Variants in DNAJC28 observed in about 807,000 individuals in gnomAD.
DNAJC28 encodes dnaJ homolog subfamily C member 28.
In DNAJC28, 24 loss-of-function variants were observed where a neutral mutation model predicts 33.3. The observed-to-expected ratio is 0.72, with a 90% CI of 0.52 to 1.01. DNAJC28 has a LOEUF of 1.01. Among genes scored for constraint, DNAJC28 ranks in the 50% least tolerant of loss-of-function variants. DNAJC28 has a pLI of 0.00. For missense variants in DNAJC28, 442 were observed against 455.2 expected (o/e 0.97, Z 0.26); for synonymous variants, 120 against 147.2 (o/e 0.82, Z 1.34).
chr21:33,489,528 C>A, intron 1 of DNAJC28, 104 bp from the exon 2 acceptor site: 2 of 532,280 alleles, frequency 3.8e-6, no homozygotes, highest in Non-Finnish European at 6.1e-6. Flanking sequence ...ATAAGTACAA[C>A]AAGGGGCAGT....
At position 33,488,957 on chromosome 21, in the gene DNAJC28, G is replaced by T. The variant is rs1319923729; in HGVS notation, c.437C>A (p.Thr146Asn). 1.2e-6 allele frequency: 2 copies of T among 1,613,874 alleles called. No individual in the cohort carries two copies. The highest frequency in any genetic ancestry group is 1.7e-6 in the Non-Finnish European group (2 of 1,180,028). ...ATAATGCTTCTCTCGTTGAGTTGGAGTCCCAAAACCAATACCTTCAAAACT... is the reference window on the plus strand; with the variant it reads ...ATAATGCTTCTCTCGTTGAGTTGGATTCCCAAAACCAATACCTTCAAAACT... Reference protein sequence around the residue: ...YLSFEGIGFGTPTQREKHYRQ... With the variant: ...YLSFEGIGFGNPTQREKHYRQ... Residue 146 changes from threonine to asparagine, a missense_variant, in exon 2 of 2, where the codon ACT becomes AAT. Coordinates refer to ENST00000381947, the MANE Select transcript of DNAJC28 (RefSeq NM_001040192.3).
Position 33,488,455 on chromosome 21 carries a change from A to T in DNAJC28, c.939T>A (p.Asp313Glu), listed in dbSNP as rs772826369. The change falls in exon 2 of 2, where the codon GAT (aspartate) becomes GAA (glutamate). Residue 313 changes from aspartate (D) to glutamate (E), a missense_variant. Asp to Glu is a conservative substitution (Grantham distance 45). Transcript: ENST00000381947. The part of the protein sequence containing the change: ...NIRKLNKRIN[D>E]FNLIVPILTR... Reference sequence around the variant, plus strand: ...TCAGGATGGGAACAATTAAATTAAAATCATTAATTCGCTTGTTTAATTTTC... The same window carrying T: ...TCAGGATGGGAACAATTAAATTAAATTCATTAATTCGCTTGTTTAATTTTC... The T allele has an allele frequency of 2.6e-5, 42 of 1,600,640 alleles. No homozygotes were observed. The highest frequency in any genetic ancestry group is 3.2e-5 in the Non-Finnish European group (38 of 1,171,628).
intron 1 of DNAJC28, 63 bp downstream of exon 1, chr21:33,491,539 C>G (rs1339214815): frequency 6.6e-6 from 1 of 152,518 alleles, no homozygotes; most frequent in East Asian, 1.9e-4. Context: ...GGTGCCTCCG[C>G]CGGGCTAGAC....
intron 1 of DNAJC28, among the ~76,000 whole-genome samples, chr21:33,490,386 C>T (rs540528344): frequency 2.2e-4 from 33 of 151,724 alleles, no homozygotes; most frequent in Admixed American, 1.1e-3. Flanking sequence ...GGATTACAGG[C>T]GTGAGCCACC....
Position 33,489,087 on chromosome 21 carries a change from G to T in DNAJC28, c.307C>A (p.Leu103Ile). The change falls in exon 2 of 2, where the codon CTC (leucine) becomes ATC (isoleucine). Residue 103 changes from leucine (L) to isoleucine (I), a missense_variant. By Grantham distance (5) the Leu-to-Ile change is conservative. Coordinates refer to ENST00000381947, the MANE Select transcript of DNAJC28 (RefSeq NM_001040192.3). Reference sequence around the variant, plus strand: ...TTTGTTTGTTCTATCACATGGGAGAGCACCTTTCTATAAGCTTTTTCAATC... The same window carrying T: ...TTTGTTTGTTCTATCACATGGGAGATCACCTTTCTATAAGCTTTTTCAATC... The part of the protein sequence containing the change: ...IRIEKAYRKV[L>I]SHVIEQTNAS... 1 of 1,613,792 alleles carries T rather than the reference G, an allele frequency of 6.2e-7. No homozygotes were observed. Among genetic ancestry groups the T allele is most frequent in the Non-Finnish European group, 8.5e-7 (1 of 1,179,966 alleles).
At chr21:33,490,025 T>A (rs1247285759) in intron 1 of DNAJC28, among the ~76,000 whole-genome samples, 2 of 150,474 alleles carry the variant, frequency 1.3e-5, no homozygotes, top group Admixed American at 1.3e-4. Flanking sequence ...ACTCCTGAGC[T>A]CAAACGATCT....
chr21:33,489,398 G>T lies in DNAJC28; in HGVS notation c.-5C>A, dbSNP rs1408085593. On this transcript the variant is annotated 5_prime_UTR_variant, in exon 2 of 2. Transcript: ENST00000381947. ...CATCACATACATTGTATTCATTATTGTACCCAGAGTTCTTCCTAGCAATGA... is the reference window on the plus strand; with the variant it reads ...CATCACATACATTGTATTCATTATTTTACCCAGAGTTCTTCCTAGCAATGA... The T allele has an allele frequency of 6.7e-6, 10 of 1,493,154 alleles. No individual in the cohort carries two copies. The highest frequency in any genetic ancestry group is 6.2e-6 in the Non-Finnish European group (7 of 1,125,064). The allele number at this position is 1,493,154 out of a possible 1,614,324, so 92.5% of individuals were successfully genotyped here. A position where few individuals can be genotyped will look rare whatever the true frequency, so the allele number is the denominator to read the frequency against.
In DNAJC28 at chr21:33,488,727, T is replaced by C. The variant is rs1252240279; in HGVS notation, c.667A>G (p.Lys223Glu). The change falls in exon 2 of 2, where the codon AAA becomes GAA. Residue 223 changes from lysine to glutamate, a missense_variant. Lys to Glu is a moderately conservative substitution (Grantham distance 56). Transcript: ENST00000381947. ...GAAAACTTTTTCAGAGGTTTTCCTT[T>C]CCCACTGAGATTGTCAAAGTCTCCT... ...AKGDFDNLSG[K>E]GKPLKKFSDC... 2 of 1,611,302 alleles carry C rather than the reference T, an allele frequency of 1.2e-6. No individual in the cohort carries two copies. Among genetic ancestry groups the C allele is most frequent in the Admixed American group, 1.7e-5 (1 of 59,210 alleles).
rs1186973333 is a variant in DNAJC28, at chr21:33,488,808, T to C, written c.586A>G (p.Ile196Val). The C allele has an allele frequency of 5.6e-6, 9 of 1,613,648 alleles. No homozygotes were observed. Among genetic ancestry groups the C allele is most frequent in the Non-Finnish European group, 7.6e-6 (9 of 1,179,944 alleles). ...ACTAAACGTTCTATAGCTTGCGTTA[T>C]CTTTTGCTGTTTGCTCTGTCTTATA... ...KNIRQSKQQKITQAIERLVED... is the reference protein window; with the variant it reads ...KNIRQSKQQKVTQAIERLVED... Residue 196 changes from isoleucine to valine, a missense_variant, in exon 2 of 2, where the codon ATA becomes GTA. Ile to Val is a conservative substitution (Grantham distance 29). Coordinates refer to ENST00000381947, the MANE Select transcript of DNAJC28 (RefSeq NM_001040192.3).
chr21:33,490,120 CTTT>C (rs899299286), intron 1 of DNAJC28, among the ~76,000 whole-genome samples: 4 of 132,828 alleles, frequency 3.0e-5, no homozygotes, highest in Admixed American at 7.5e-5. Flanking sequence ...CTTTTCTTTT[CTTT>C]TTTTTTTTTT....
At position 33,488,254 on chromosome 21, in the gene DNAJC28, CCA is replaced by C. The variant is rs1394498022; in HGVS notation, c.1138_1139del (p.Trp380GlufsTer4). Reference sequence around the variant, plus strand: ...AAAATGATCGTATTTTAATAAATTTCCACAGATTCATCCAGTTTAAAAAACCT... The same window carrying C: ...AAAATGATCGTATTTTAATAAATTTCCAGATTCATCCAGTTTAAAAAACCT... Reference protein sequence around the residue: ...KKGFLNWMNLWKFIKIRSF With the variant: ...KKGFLNWMNLXKFIKIRSF On this transcript the variant is annotated frameshift_variant, in exon 2 of 2. Coordinates refer to ENST00000381947, the MANE Select transcript of DNAJC28 (RefSeq NM_001040192.3). LOFTEE classifies it high-confidence loss of function. 4 of 1,504,334 alleles carry C rather than the reference CCA, an allele frequency of 2.7e-6. No homozygotes were observed. The highest frequency in any genetic ancestry group is 2.8e-5 in the South Asian group (2 of 71,140). 93.2% of individuals were successfully genotyped at this position (1,504,334 alleles called of 1,614,324 possible). A position where few individuals can be genotyped will look rare whatever the true frequency, so the allele number is the denominator to read the frequency against.
chr21:33,489,862 T>A (rs1260906027), intron 1 of DNAJC28, among the ~76,000 whole-genome samples: 1 of 149,170 alleles, frequency 6.7e-6, no homozygotes, highest in Non-Finnish European at 1.5e-5. Flanking sequence ...GGCACAATCG[T>A]GGCTCACTGC....
In DNAJC28 at chr21:33,489,077, A is replaced by T. The variant is rs769867600; in HGVS notation, c.317T>A (p.Val106Glu). 2 of 1,613,632 alleles carry T rather than the reference A, an allele frequency of 1.2e-6. No homozygotes were observed. The highest frequency in any genetic ancestry group is 1.7e-6 in the Non-Finnish European group (2 of 1,179,932). ...EKAYRKVLSHVIEQTNASQSK... is the reference protein window; with the variant it reads ...EKAYRKVLSHEIEQTNASQSK... The stretch of plus-strand genomic sequence containing the variant: ...CTGACTGGCATTTGTTTGTTCTATC[A>T]CATGGGAGAGCACCTTTCTATAAGC... Residue 106 changes from valine to glutamate, a missense_variant, in exon 2 of 2, where the codon GTG (valine) becomes GAG (glutamate). Transcript: ENST00000381947.
At position 33,489,366 on chromosome 21, in the gene DNAJC28, G is replaced by C; in HGVS notation, c.28C>G (p.Gln10Glu). 1 of 1,535,756 alleles carries C rather than the reference G, an allele frequency of 6.5e-7. No individual in the cohort carries two copies. The highest frequency in any genetic ancestry group is 8.7e-7 in the Non-Finnish European group (1 of 1,147,460). MNTMYVMMA[Q>E]ILRSHLIKAT... ...TTTATCAGGTGAGATCTTAAGATCT[G>C]AGCCATCATCACATACATTGTATTC... Residue 10 changes from glutamine to glutamate, a missense_variant, in exon 2 of 2, where the codon CAG becomes GAG. By Grantham distance (29) the Gln-to-Glu change is conservative. Coordinates refer to ENST00000381947, the MANE Select transcript of DNAJC28 (RefSeq NM_001040192.3).
chr21:33,491,387 G>T (rs1360449364), intron 1 of DNAJC28: 1 of 152,396 alleles, frequency 6.6e-6, no homozygotes, highest in Admixed American at 6.5e-5. Context: ...TCATGGCAAG[G>T]GAGGTCGGTC....
Position 33,488,471 on chromosome 21 carries a change from T to C in DNAJC28, c.923A>G (p.Asn308Ser), listed in dbSNP as rs2084483698. 6 of 1,611,538 alleles carry C rather than the reference T, an allele frequency of 3.7e-6. No individual in the cohort carries two copies. In the South Asian group the frequency reaches 6.6e-5, roughly 18 times the overall value. ...EQFQENIRKL[N>S]KRINDFNLIV... ...TAAATTAAAATCATTAATTCGCTTG[T>C]TTAATTTTCTGATGTTTTCTTGAAA... Residue 308 changes from asparagine to serine, a missense_variant, in exon 2 of 2, where the codon AAC (asparagine) becomes AGC (serine). Coordinates refer to ENST00000381947, the MANE Select transcript of DNAJC28 (RefSeq NM_001040192.3).
chr21:33,488,522 T>C lies in DNAJC28; in HGVS notation c.872A>G (p.Lys291Arg). 6.2e-7 allele frequency: 1 copy of C among 1,612,894 alleles called. No homozygotes were observed. The highest frequency in any genetic ancestry group is 2.2e-5 in the East Asian group (1 of 44,878). Residue 291 changes from lysine to arginine, a missense_variant, in exon 2 of 2, where the codon AAA (lysine) becomes AGA (arginine). Coordinates refer to ENST00000381947, the MANE Select transcript of DNAJC28 (RefSeq NM_001040192.3). ...CTGCTCACAAACATGGTTCCACTGT[T>C]TCTTTTCAGTTGGTGTCATTGGATT... ...LGNPMTPTEK[K>R]QWNHVCEQFQ...
chr21:33,488,344 G>C lies in DNAJC28; in HGVS notation c.1050C>G (p.Val350=). ...IYETLIKTKE[V]TDRNPNNLDQ... ...CAAGGTTATTTGGGTTTCTATCTGT[G>C]ACTTCTTTTGTTTTTATAAGGGTCT... Residue 350 remains valine, a synonymous_variant, in exon 2 of 2, where the codon GTC becomes GTG. Transcript: ENST00000381947. 6.3e-7 allele frequency: 1 copy of C among 1,585,304 alleles called. No homozygotes were observed. Among genetic ancestry groups the C allele is most frequent in the Non-Finnish European group, 8.5e-7 (1 of 1,173,042 alleles).
chr21:33,489,277 C>T lies in DNAJC28; in HGVS notation c.117G>A (p.Met39Ile), dbSNP rs2084498384. 1 of 1,602,326 alleles carries T rather than the reference C, an allele frequency of 6.2e-7. No homozygotes were observed. The highest frequency in any genetic ancestry group is 1.3e-5 in the African/African-American group (1 of 74,246). Residue 39 changes from methionine to isoleucine, a missense_variant, in exon 2 of 2, where the codon ATG (methionine) becomes ATA (isoleucine). Transcript: ENST00000381947. ...LPYFGIIRNR[M>I]MSTHKSKKKI... The stretch of plus-strand genomic sequence containing the variant: ...TCTTTTTGGATTTATGGGTTGACAT[C>T]ATTCTATTTCTAATGATACCAAAAT...
Sources: allele counts gnomAD v4.1 joint callset (sites outside exome capture counted in the v4.1 genomes callset), GRCh38; gene constraint gnomAD v4.1.1; transcripts MANE v1.5; gene names NCBI Gene and HGNC (gene_info 2026-07-23, HGNC 2026-07-21).